ACOT1: variants seen among roughly 807,000 people sequenced by gnomAD.
The protein encoded by ACOT1 is acyl-CoA thioesterase 1, also known as acyl-coenzyme A thioesterase 1.
Under a neutral mutation model 15.7 loss-of-function variants are expected in ACOT1, and 8 were observed. The observed-to-expected ratio is 0.51, with a 90% confidence interval of 0.30 to 0.92. The LOEUF is 0.92. ACOT1 is among the 40% of genes least tolerant of loss of function. ACOT1 has a pLI of 0.06. For missense variants in ACOT1, 151 were observed against 539.4 expected, an observed-to-expected ratio of 0.28 and a Z score of 7.13; for synonymous variants, 67 against 241.2, an observed-to-expected ratio of 0.28 and a Z score of 6.69.
chr14:73,531,552 G>T, the ACOT1 span, among the ~76,000 whole-genome samples: 1 of 106,422 alleles, frequency 9.4e-6, no homozygotes, highest in African/African-American at 3.0e-5. Context: ...TCCCATTACA[G>T]GCCACACCAC....
chr14:73,505,344 T>C, the ACOT1 span, among the ~76,000 whole-genome samples: 4 of 152,210 alleles, frequency 2.6e-5, no homozygotes, highest in African/African-American at 7.2e-5. Context: ...TTATTGTTCC[T>C]ACCATAGTGT....
At chr14:73,532,005 C>G in the ACOT1 span, among the ~76,000 whole-genome samples, 1 of 114,598 alleles carries the variant, frequency 8.7e-6, no homozygotes, top group Admixed American at 9.9e-5. Context: ...GCACTCCAGC[C>G]TGGGCAGCAA....
At chr14:73,527,997 G>C in the ACOT1 span, among the ~76,000 whole-genome samples, 1 of 149,288 alleles carries the variant, frequency 6.7e-6, no homozygotes, top group Non-Finnish European at 1.5e-5. Flanking sequence ...GAGTGATTTA[G>C]GATGTCCCCA....
At chr14:73,516,147 CAAAAAAAAAAAAA>C in the ACOT1 span, among the ~76,000 whole-genome samples, 1 of 9,158 alleles carries the variant, frequency 1.1e-4, no homozygotes, top group Non-Finnish European at 1.5e-4. Context: ...CAACAGTCAT[CAAAAAAAAAAAAA>C]AAAAAAAAAA....
At chr14:73,504,939 GT>G in the ACOT1 span, among the ~76,000 whole-genome samples, 31 of 145,720 alleles carry the variant, frequency 2.1e-4, no homozygotes, top group Non-Finnish European at 2.3e-4. Flanking sequence ...CAGTTGGTTT[GT>G]TTTTTTTTTT....
the ACOT1 span, chr14:73,495,202 A>G: frequency 3.7e-6 from 6 of 1,602,752 alleles, no homozygotes; most frequent in Admixed American, 6.8e-5. Context: ...GAATCAAGGC[A>G]TGGAACTCAC....
chr14:73,490,976 G>GC, the ACOT1 span: 1 of 1,316,574 alleles, frequency 7.6e-7, no homozygotes, highest in Non-Finnish European at 9.7e-7. Context: ...CTTTAGCTTC[G>GC]CCCCCGGCCG....
chr14:73,493,127 A>G, the ACOT1 span: 1 of 1,611,510 alleles, frequency 6.2e-7, no homozygotes, highest in South Asian at 1.1e-5. Context: ...CATCTCATCT[A>G]GGTACAAAAG....
rs1320421321 is a variant in ACOT1, at chr14:73,541,078, A to C, written c.458-415A>C. The stretch of plus-strand genomic sequence containing the variant: ...TCTTTAATTTTGTGTGAAACACAAA[A>C]CCTTTAATGTAAATGATAAAAATAT... On this transcript the variant is annotated intron_variant, in intron 1 of 2. Coordinates refer to ENST00000311148, the MANE Select transcript of ACOT1 (RefSeq NM_001037161.2). Among the ~76,000 whole-genome samples, 2 of 113,464 alleles carry C rather than the reference A, an allele frequency of 1.8e-5. 1 individual carries two copies. The highest frequency in any genetic ancestry group is 1.9e-4 in the Admixed American group (2 of 10,314). 74.4% of individuals were successfully genotyped at this position (113,464 alleles called of 152,430 possible).
the ACOT1 span, among the ~76,000 whole-genome samples, chr14:73,505,888 T>A: frequency 7.6e-6 from 1 of 130,838 alleles, no homozygotes; most frequent in Non-Finnish European, 1.7e-5. Flanking sequence ...CTATAAACGT[T>A]TCTTTTTTTT....
chr14:73,540,290 T>A (rs1373338094), intron 1 of ACOT1, among the ~76,000 whole-genome samples: 1 of 151,450 alleles, frequency 6.6e-6, no homozygotes, highest in East Asian at 1.9e-4. Flanking sequence ...TGGATTAATT[T>A]AAAAAAAGAG....
At position 73,541,330 on chromosome 14, in the gene ACOT1, A is replaced by G. The variant is rs184956780; in HGVS notation, c.458-163A>G. 2.3e-3 allele frequency among the ~76,000 whole-genome samples: 264 copies of G among 112,582 alleles called. 91 individuals carry two copies. Among genetic ancestry groups the G allele is most frequent in the Non-Finnish European group, 4.3e-3 (227 of 52,184 alleles). The allele number at this position is 112,582 out of a possible 152,430, so 73.9% of individuals were successfully genotyped here. A position where few individuals can be genotyped will look rare whatever the true frequency, so the allele number is the denominator to read the frequency against. Reference sequence around the variant, plus strand: ...AATAAAGTCACTATAAACACTTGCCAGAAGTTTCTGGACGAACACAGGTTT... The same window carrying G: ...AATAAAGTCACTATAAACACTTGCCGGAAGTTTCTGGACGAACACAGGTTT... On this transcript the variant is annotated intron_variant, in intron 1 of 2. Coordinates refer to ENST00000311148, the MANE Select transcript of ACOT1 (RefSeq NM_001037161.2).
At chr14:73,493,036 C>T in the ACOT1 span, 20 of 1,578,870 alleles carry the variant, frequency 1.3e-5, no homozygotes, top group East Asian at 4.5e-4. Context: ...ACGTTCTTAC[C>T]TTGATAAGCA....
the ACOT1 span, among the ~76,000 whole-genome samples, chr14:73,517,062 C>T: frequency 1.3e-5 from 2 of 152,088 alleles, no homozygotes; most frequent in Non-Finnish European, 2.9e-5. Flanking sequence ...GGGAGGACCC[C>T]TTGTGGCCAG....
chr14:73,491,979 G>T, the ACOT1 span: 1 of 1,613,980 alleles, frequency 6.2e-7, no homozygotes. Flanking sequence ...CAGTTTGGAA[G>T]CATGGCAGGC....
chr14:73,521,084 G>A, the ACOT1 span: 1 of 1,525,458 alleles, frequency 6.6e-7, no homozygotes, highest in Non-Finnish European at 9.0e-7. Context: ...AAGAGTAGGA[G>A]GTGGATCCCC....
At chr14:73,527,781 C>T in the ACOT1 span, among the ~76,000 whole-genome samples, 1 of 151,532 alleles carries the variant, frequency 6.6e-6, no homozygotes, top group Non-Finnish European at 1.5e-5. Flanking sequence ...GGTTCGAGAC[C>T]AGCCCGGCCA....
chr14:73,512,443 A>C, the ACOT1 span, among the ~76,000 whole-genome samples: 1 of 152,332 alleles, frequency 6.6e-6, no homozygotes, highest in East Asian at 1.9e-4. Context: ...ACAATAAAAC[A>C]AAGTAGTTAA....
the ACOT1 span, chr14:73,508,214 G>A: frequency 9.3e-6 from 15 of 1,613,932 alleles, no homozygotes; most frequent in Non-Finnish European, 1.3e-5. Flanking sequence ...AGCTGGTGGA[G>A]GATCCTCTTA....
Sources: allele counts gnomAD v4.1 joint callset (sites outside exome capture counted in the v4.1 genomes callset), GRCh38; gene constraint gnomAD v4.1.1; transcripts MANE v1.5; gene names NCBI Gene and HGNC (gene_info 2026-07-23, HGNC 2026-07-21).